Variants in MROH1 observed in about 807,000 individuals in gnomAD.
MROH1 encodes the protein maestro heat like repeat family member 1.
MROH1 carries 117 observed loss-of-function variants against 116.5 expected under a neutral mutation model. The ratio of observed to expected loss-of-function variants is 1.00; its 90% confidence interval spans 0.86 to 1.17. MROH1 has a LOEUF of 1.17. Ranked by LOEUF, MROH1 falls within the 50% of genes most tolerant of loss-of-function variation. MROH1 has a pLI of 0.00. For missense variants in MROH1, 1,873 were observed against 1,338.5 expected, an observed-to-expected ratio of 1.40 and a Z score of -6.23; for synonymous variants, 921 against 583.9, an observed-to-expected ratio of 1.58 and a Z score of -8.32.
intron 4 of MROH1, chr8:144,175,059 A>G (rs1414603513): frequency 3.0e-6 from 3 of 985,348 alleles, no homozygotes; most frequent in Non-Finnish European, 2.4e-6. Flanking sequence ...TTAGTAGCTA[A>G]AGATGGAAGC....
chr8:144,234,683 AT>A (rs782152533), intron 14 of MROH1, among the ~76,000 whole-genome samples: 189 of 136,294 alleles, frequency 1.4e-3, no homozygotes, highest in Non-Finnish European at 1.3e-3. Flanking sequence ...TGTCTGGCTA[AT>A]TTTTTTTTTT....
chr8:144,218,066 T>A (rs1308383124), intron 12 of MROH1, among the ~76,000 whole-genome samples: 1 of 151,980 alleles, frequency 6.6e-6, no homozygotes, highest in African/African-American at 2.4e-5. Flanking sequence ...GTGGCTGTGT[T>A]AGTGCCCGTC....
chr8:144,184,724 G>A lies in MROH1; in HGVS notation c.562+4201G>A, dbSNP rs141179341. Among the ~76,000 whole-genome samples, 520 of 152,298 alleles carry A rather than the reference G, an allele frequency of 3.4e-3. 3 individuals are homozygous for A. Among genetic ancestry groups the A allele is most frequent in the Non-Finnish European group, 6.3e-3 (430 of 68,030 alleles). The stretch of plus-strand genomic sequence containing the variant: ...AGAGAGAAGGGGGTGCGGGGCAGGC[G>A]TCAGGTGAGCTGGCCGAGCACCCCC... On this transcript the variant is annotated intron_variant, in intron 7 of 43. Coordinates refer to ENST00000326134, the MANE Select transcript of MROH1 (RefSeq NM_032450.3).
At chr8:144,199,928 G>C (rs1830733429) in intron 11 of MROH1, among the ~76,000 whole-genome samples, 1 of 152,196 alleles carries the variant, frequency 6.6e-6, no homozygotes, top group Admixed American at 6.5e-5. Context: ...CAGGCCTCCA[G>C]AGCCCACCTG....
rs905868277 is a variant in MROH1 at position 144,242,137 on chromosome 8, G to C, written c.2179-232G>C. 19 of 614,480 alleles carry C rather than the reference G, an allele frequency of 3.1e-5. 1 individual carries two copies. The highest frequency in any genetic ancestry group is 4.1e-5 in the Non-Finnish European group (14 of 342,840). 38.1% of individuals were successfully genotyped at this position (614,480 alleles called of 1,614,324 possible). A position where few individuals can be genotyped will look rare whatever the true frequency, so the allele number is the denominator to read the frequency against. On this transcript the variant is annotated intron_variant, in intron 22 of 43. Coordinates refer to ENST00000326134, the MANE Select transcript of MROH1 (RefSeq NM_032450.3). ...CTCGGCCCTTGGCCCTCTGTTACTC[G>C]GTACCCAGTGGGCCCATGCCTGGCT...
Position 144,223,164 on chromosome 8 carries a change from G to A in MROH1, c.1272G>A (p.Glu424=), listed in dbSNP as rs993766236. 5.0e-6 allele frequency: 8 copies of A among 1,612,658 alleles called. No homozygotes were observed. The African/African-American group carries it at 6.7e-5, about 13-fold the overall frequency. ...CCATGGCCCACCACGGCTACCTGGA[G>A]CAGCCTGGAGGTGAGGCGATGATCG... ...ISAMAHHGYL[E]QPGGEAMIEY... The change falls in exon 14 of 44, where the codon GAG becomes GAA. Residue 424 remains glutamate (E), a synonymous_variant. Coordinates refer to ENST00000326134, the MANE Select transcript of MROH1 (RefSeq NM_032450.3).
intron 7 of MROH1, among the ~76,000 whole-genome samples, chr8:144,188,408 G>A (rs1475982250): frequency 6.7e-6 from 1 of 150,296 alleles, no homozygotes. Flanking sequence ...CAGCCCAGGG[G>A]GGCCTCACAG....
chr8:144,241,574 T>G, intron 22 of MROH1, 57 bp downstream of exon 22: 1 of 775,380 alleles, frequency 1.3e-6, no homozygotes, highest in Non-Finnish European at 2.4e-6. Flanking sequence ...AGTTTGAGGC[T>G]CAGGGGGTGC....
intron 14 of MROH1, among the ~76,000 whole-genome samples, chr8:144,232,096 T>A (rs943903259): frequency 1.3e-5 from 2 of 152,198 alleles, no homozygotes; most frequent in Admixed American, 6.5e-5. Flanking sequence ...TAATCCATAA[T>A]CTATAGTAGG....
intron 7 of MROH1, among the ~76,000 whole-genome samples, chr8:144,187,257 A>G (rs1025206189): frequency 1.3e-5 from 2 of 152,102 alleles, no homozygotes; most frequent in Non-Finnish European, 2.9e-5. Context: ...AAAAAAATAT[A>G]AAATTAGCCA....
intron 3 of MROH1, among the ~76,000 whole-genome samples, chr8:144,168,015 A>G (rs1821373386): frequency 6.6e-6 from 1 of 152,068 alleles, no homozygotes; most frequent in East Asian, 1.9e-4. Flanking sequence ...GTGTCGCTCA[A>G]CCCTGATGGG....
At chr8:144,204,412 G>A (rs115319491) in intron 12 of MROH1, among the ~76,000 whole-genome samples, 55 of 152,264 alleles carry the variant, frequency 3.6e-4, no homozygotes, top group African/African-American at 7.7e-4. Flanking sequence ...CATCTATGCC[G>A]TCTATGTCAT....
At chr8:144,219,985 G>A (rs142312717) in intron 12 of MROH1, among the ~76,000 whole-genome samples, 3 of 152,332 alleles carry the variant, frequency 2.0e-5, no homozygotes, top group Non-Finnish European at 2.9e-5. Context: ...AAGGACTGTC[G>A]TGTGGGACAG....
Sources: allele counts gnomAD v4.1 joint callset (sites outside exome capture counted in the v4.1 genomes callset), GRCh38; gene constraint gnomAD v4.1.1; transcripts MANE v1.5; gene names NCBI Gene and HGNC (gene_info 2026-07-23, HGNC 2026-07-21).